CISD1: variants seen among roughly 807,000 people sequenced by gnomAD.
CISD1 encodes CDGSH iron-sulfur domain-containing protein 1.
A neutral mutation model predicts 12.0 loss-of-function variants in CISD1; 8 were observed. That is an observed-to-expected ratio of 0.67 (90% CI 0.39 to 1.20). The LOEUF (loss-of-function observed/expected upper bound fraction) is 1.20. CISD1 is among the 50% of genes most tolerant of loss of function. The pLI is 0.01. For synonymous variants in CISD1, 38 were observed against 42.2 expected, an observed-to-expected ratio of 0.90 and a Z score of 0.39; for missense variants, 107 against 132.7, an observed-to-expected ratio of 0.81 and a Z score of 0.95.
In CISD1 at chr10:58,269,306, T is replaced by G. The variant is rs1166781182; in HGVS notation, c.31+2T>G. 2 of 1,607,932 alleles carry G rather than the reference T, an allele frequency of 1.2e-6. No individual in the cohort carries two copies. Among genetic ancestry groups the G allele is most frequent in the African/African-American group, 1.3e-5 (1 of 74,814 alleles). On this transcript the variant is annotated splice_donor_variant, in intron 1 of 2. Transcript: ENST00000333926. LOFTEE classifies it high-confidence loss of function. ...TGACTTCCAGTTCCAGCGTACGAGG[T>G]GAAGTGGGGCCTGGGAGCGGGTGAG...
At position 58,280,738 on chromosome 10, in the gene CISD1, G is replaced by A. The variant is rs74815240; in HGVS notation, c.237+3416G>A. On this transcript the variant is annotated intron_variant, in intron 2 of 2. Coordinates refer to ENST00000333926, the MANE Select transcript of CISD1 (RefSeq NM_018464.5). The stretch of plus-strand genomic sequence containing the variant: ...GGGGACAAGAGCCATTTAAGGAGAT[G>A]GAATGGGCCAGAGAGGTTAGAATAA... Among the ~76,000 whole-genome samples, 72 of 152,258 alleles carry A rather than the reference G, an allele frequency of 4.7e-4. No individual in the cohort carries two copies. In the East Asian group the frequency reaches 0.012, roughly 25 times the overall value.
At chr10:58,275,617 C>T (rs570299693) in intron 1 of CISD1, among the ~76,000 whole-genome samples, 10 of 152,112 alleles carry the variant, frequency 6.6e-5, no homozygotes, top group African/African-American at 1.9e-4. Context: ...GATAATGCTA[C>T]GGGAAGGAAA....
intron 2 of CISD1, among the ~76,000 whole-genome samples, chr10:58,279,617 A>G (rs376745063): frequency 6.6e-5 from 10 of 152,230 alleles, no homozygotes; most frequent in African/African-American, 1.9e-4. Context: ...GAAATTGTTG[A>G]TAAGTACTGG....
At position 58,289,454 on chromosome 10, in the gene CISD1, C is replaced by A. The variant is rs1839465806; in HGVS notation, c.*1804C>A. The A allele has an allele frequency of 6.6e-6, 1 of 151,974 alleles. No homozygotes were observed. Among genetic ancestry groups the A allele is most frequent in the African/African-American group, 2.4e-5 (1 of 41,394 alleles). 9.4% of individuals were successfully genotyped at this position (151,974 alleles called of 1,614,324 possible). On this transcript the variant is annotated 3_prime_UTR_variant, in exon 3 of 3. Coordinates refer to ENST00000333926, the MANE Select transcript of CISD1 (RefSeq NM_018464.5). Reference sequence around the variant, plus strand: ...GACCACCTTACTGTGAAATATAGATCTTGAGCATTTTGAAAGGCCAAAATA... The same window carrying A: ...GACCACCTTACTGTGAAATATAGATATTGAGCATTTTGAAAGGCCAAAATA...
intron 1 of CISD1, among the ~76,000 whole-genome samples, chr10:58,272,121 T>G (rs892765937): frequency 3.9e-5 from 6 of 152,164 alleles, no homozygotes; most frequent in Admixed American, 3.3e-4. Flanking sequence ...TGCCGTTTTC[T>G]TTTGCTTAAA....
intron 2 of CISD1, 117 bp from the exon 3 acceptor site, chr10:58,287,444 A>G (rs1006261738): frequency 7.4e-5 from 46 of 625,482 alleles, no homozygotes; most frequent in Non-Finnish European, 6.7e-5. Flanking sequence ...AAGAAAGCCT[A>G]TATAAGATAG....
intron 1 of CISD1, among the ~76,000 whole-genome samples, chr10:58,275,154 T>C (rs1008358546): frequency 1.3e-5 from 2 of 152,190 alleles, no homozygotes; most frequent in African/African-American, 4.8e-5. Context: ...TTGCCCCCCT[T>C]TAAGTTTGTA....
At chr10:58,279,761 T>C (rs1418024273) in intron 2 of CISD1, among the ~76,000 whole-genome samples, 1 of 152,128 alleles carries the variant, frequency 6.6e-6, no homozygotes, top group Admixed American at 6.6e-5. Context: ...CATTAAAGAG[T>C]AAAACAGCAG....
intron 2 of CISD1, 87 bp from the exon 3 acceptor site, chr10:58,287,474 A>G (rs184518614): frequency 2.6e-5 from 22 of 846,892 alleles, no homozygotes; most frequent in African/African-American, 5.2e-5. Context: ...TCTTTATGTT[A>G]TATGAATTAA....
At chr10:58,272,224 T>TCA (rs1165780266) in intron 1 of CISD1, among the ~76,000 whole-genome samples, 1 of 124,042 alleles carries the variant, frequency 8.1e-6, no homozygotes, top group African/African-American at 4.1e-5. Flanking sequence ...ACCCTCATCT[T>TCA]TAAAAAAAAA....
At chr10:58,278,492 G>A (rs1391630501) in intron 2 of CISD1, among the ~76,000 whole-genome samples, 5 of 152,140 alleles carry the variant, frequency 3.3e-5, no homozygotes, top group Admixed American at 2.6e-4. Flanking sequence ...GCATCACGCT[G>A]TGATTGCATC....
chr10:58,283,958 GT>G (rs998331483), intron 2 of CISD1, among the ~76,000 whole-genome samples: 4 of 151,954 alleles, frequency 2.6e-5, no homozygotes, highest in South Asian at 2.1e-4. Flanking sequence ...TATTCTTTGT[GT>G]TTTTTTCATA....
chr10:58,275,521 ATTAAC>A (rs753437683), intron 1 of CISD1, among the ~76,000 whole-genome samples: 3 of 152,242 alleles, frequency 2.0e-5, no homozygotes, highest in Admixed American at 6.5e-5. Context: ...CAGGTGATAT[ATTAAC>A]TTAACTTGTC....
chr10:58,279,328 A>C (rs1483087153), intron 2 of CISD1, among the ~76,000 whole-genome samples: 1 of 152,174 alleles, frequency 6.6e-6, no homozygotes, highest in Non-Finnish European at 1.5e-5. Flanking sequence ...AGTTGAAAAA[A>C]TCTGAAATCC....
intron 2 of CISD1, among the ~76,000 whole-genome samples, chr10:58,278,669 G>A (rs993540673): frequency 1.8e-4 from 27 of 152,126 alleles, no homozygotes; most frequent in African/African-American, 6.3e-4. Context: ...GGTCATTTTC[G>A]CAAATAACTT....
At chr10:58,282,476 A>C (rs1483431625) in intron 2 of CISD1, among the ~76,000 whole-genome samples, 1 of 152,212 alleles carries the variant, frequency 6.6e-6, no homozygotes, top group Non-Finnish European at 1.5e-5. Flanking sequence ...TGCTATGTAA[A>C]TAGTTGTTAT....
intron 2 of CISD1, among the ~76,000 whole-genome samples, chr10:58,285,700 T>C (rs930436067): frequency 1.5e-4 from 23 of 152,216 alleles, no homozygotes; most frequent in Admixed American, 4.6e-4. Flanking sequence ...TCTTATTTTT[T>C]CATTTTACAA....
chr10:58,271,013 A>G lies in CISD1; in HGVS notation c.31+1709A>G, dbSNP rs1307762525. ...TGGCTTCCCAAAGTGCTGAGATTACATATGTGAGACACCACACGTTGCCAT... is the reference window on the plus strand; with the variant it reads ...TGGCTTCCCAAAGTGCTGAGATTACGTATGTGAGACACCACACGTTGCCAT... On this transcript the variant is annotated intron_variant, in intron 1 of 2. Transcript: ENST00000333926. 2.7e-5 allele frequency among the ~76,000 whole-genome samples: 4 copies of G among 149,120 alleles called. No homozygotes were observed. The East Asian group carries it at 5.9e-4, about 22-fold the overall frequency.
rs75827657 is a variant in CISD1, at chr10:58,286,567, C to T, written c.238-994C>T. ...TATAGCAAAATTAAAATAATGTGTGCTGTGATTCAAATGGGCTATATGATA... is the reference window on the plus strand; with the variant it reads ...TATAGCAAAATTAAAATAATGTGTGTTGTGATTCAAATGGGCTATATGATA... On this transcript the variant is annotated intron_variant, in intron 2 of 2. Coordinates refer to ENST00000333926, the MANE Select transcript of CISD1 (RefSeq NM_018464.5). 5.6e-3 allele frequency among the ~76,000 whole-genome samples: 853 copies of T among 152,222 alleles called. 5 individuals carry two copies. Among genetic ancestry groups the T allele is most frequent in the Non-Finnish European group, 7.9e-3 (538 of 68,004 alleles).
Sources: allele counts gnomAD v4.1 joint callset (sites outside exome capture counted in the v4.1 genomes callset), GRCh38; gene constraint gnomAD v4.1.1; transcripts MANE v1.5; gene names NCBI Gene and HGNC (gene_info 2026-07-23, HGNC 2026-07-21).